The following KMT2A variants were observed in gnomAD, a reference collection of about 807,000 sequenced individuals.
KMT2A encodes the protein lysine methyltransferase 2A.
Under a neutral mutation model 345.3 loss-of-function variants are expected in KMT2A, and 16 were observed. That is an observed-to-expected ratio of 0.05 (90% CI 0.03 to 0.07). KMT2A has a LOEUF of 0.07. Among genes scored for constraint, KMT2A ranks in the 10% least tolerant of loss-of-function variants. The pLI, the probability that KMT2A is intolerant of heterozygous loss-of-function variation, is 1.00. For synonymous variants in KMT2A, 1,599 were observed against 1,778.6 expected, an observed-to-expected ratio of 0.90 and a Z score of 2.54; for missense variants, 3,272 against 4,841.6, an observed-to-expected ratio of 0.68 and a Z score of 9.62.
Position 118,473,585 on chromosome 11 carries a change from C to T in KMT2A, c.2426C>T (p.Ser809Phe), listed in dbSNP as rs374005016. 116 of 1,613,972 alleles carry T rather than the reference C, an allele frequency of 7.2e-5. No homozygotes were observed. Among genetic ancestry groups the T allele is most frequent in the Non-Finnish European group, 9.7e-5 (114 of 1,180,050 alleles). The change falls in exon 3 of 36, where the codon TCT becomes TTT. Residue 809 changes from serine (S) to phenylalanine (F), a missense_variant. This residue lies in a region of KMT2A where 209 missense variants were observed against 237.4 expected (regional missense o/e 0.88). Coordinates refer to ENST00000534358, the MANE Select transcript of KMT2A (RefSeq NM_001197104.2). This position sits in a 1 kb window ranked among gnomAD's most constrained non-coding sequence, Gnocchi z 5.2. ...PSHSLTQSGE[S>F]AEKNQRPRKQ... ...CATTCCCTGACTCAGTCTGGGGAAT[C>T]TGCAGAGAAAAATCAGAGACCAAGG...
At chr11:118,516,175 GTGTATA>G (rs1463308842) in intron 31 of KMT2A, among the ~76,000 whole-genome samples, 1 of 152,116 alleles carries the variant, frequency 6.6e-6, no homozygotes, top group African/African-American at 2.4e-5. Context: ...TATTCTAGTG[GTGTATA>G]TGTATATGTA....
At chr11:118,467,093 A>C (rs1255472872) in intron 1 of KMT2A, among the ~76,000 whole-genome samples, 1 of 151,662 alleles carries the variant, frequency 6.6e-6, no homozygotes, top group South Asian at 2.1e-4. Flanking sequence ...ATACTTTTTC[A>C]TGGCTGGGCA....
At chr11:118,501,363 G>A (rs1021721740) in intron 25 of KMT2A, among the ~76,000 whole-genome samples, 1 of 152,104 alleles carries the variant, frequency 6.6e-6, no homozygotes, top group Non-Finnish European at 1.5e-5. Context: ...CAGCCACTCA[G>A]GAGGCAGAGG....
At position 118,476,576 on chromosome 11, in the gene KMT2A, CCA is replaced by C. The variant is rs782725803; in HGVS notation, c.3157-227_3157-226del. Among the ~76,000 whole-genome samples the C allele has an allele frequency of 6.6e-6, 1 of 152,106 alleles. No homozygotes were observed. Among genetic ancestry groups the C allele is most frequent in the Non-Finnish European group, 1.5e-5 (1 of 68,004 alleles). ...GAACTCCTGGCCTCAAATGATCTTC[CCA>C]CCTCAAGCTGTTTTTTATTTTTTGA... On this transcript the variant is annotated intron_variant, in intron 3 of 35. Coordinates refer to ENST00000534358, the MANE Select transcript of KMT2A (RefSeq NM_001197104.2). The surrounding 1 kb of genome is among the most constrained non-coding windows in gnomAD (Gnocchi z 4.1).
At chr11:118,437,894 C>T (rs1361776989) in intron 1 of KMT2A, among the ~76,000 whole-genome samples, 5 of 152,128 alleles carry the variant, frequency 3.3e-5, no homozygotes, top group Admixed American at 6.5e-5. Flanking sequence ...GGGAAGGGGG[C>T]CCCTGTGAGG....
rs1344693904 is a variant in KMT2A at position 118,526,749 on chromosome 11, G to A, written c.*4577G>A. ...GTGTACATAGTTGTAAAAAAAAGGAGTTTTTAAACATGTTTATTTTCTATG... is the reference window on the plus strand; with the variant it reads ...GTGTACATAGTTGTAAAAAAAAGGAATTTTTAAACATGTTTATTTTCTATG... On this transcript the variant is annotated 3_prime_UTR_variant, in exon 36 of 36. Coordinates refer to ENST00000534358, the MANE Select transcript of KMT2A (RefSeq NM_001197104.2). The A allele has an allele frequency of 4.4e-6, 1 of 228,648 alleles. No homozygotes were observed. The highest frequency in any genetic ancestry group is 8.7e-6 in the Non-Finnish European group (1 of 115,384). 14.2% of individuals were successfully genotyped at this position (228,648 alleles called of 1,614,324 possible).
chr11:118,513,807 C>T (rs1007340730), intron 31 of KMT2A, among the ~76,000 whole-genome samples: 2 of 151,510 alleles, frequency 1.3e-5, no homozygotes, highest in East Asian at 1.9e-4. Context: ...CATGATGGCT[C>T]ATGCCTGTGG....
In KMT2A at chr11:118,471,967, A is replaced by T. The variant is rs1949950297; in HGVS notation, c.808A>T (p.Ile270Phe). 6.2e-7 allele frequency: 1 copy of T among 1,614,080 alleles called. No homozygotes were observed. The highest frequency in any genetic ancestry group is 8.5e-7 in the Non-Finnish European group (1 of 1,180,040). Residue 270 changes from isoleucine (I) to phenylalanine (F), a missense_variant, in exon 3 of 36, where the codon ATT (isoleucine) becomes TTT (phenylalanine). Physicochemically the swap from Ile to Phe is conservative, Grantham distance 21. Around this residue, in one of 27 missense-constraint regions of KMT2A, gnomAD observed 412 missense variants for 511.0 expected, o/e 0.81. Coordinates refer to ENST00000534358, the MANE Select transcript of KMT2A (RefSeq NM_001197104.2). ...TGCTACGTTTCAGCAAGCCACAAAG[A>T]TTAAAAAATTAAGAGCAGGTAAACT... ...PSATFQQATK[I>F]KKLRAGKLSP...
At position 118,436,498 on chromosome 11, in the gene KMT2A, C is replaced by CT; in HGVS notation, c.-13dup. 1.6e-6 allele frequency: 2 copies of CT among 1,258,762 alleles called. No homozygotes were observed. The highest frequency in any genetic ancestry group is 1.0e-6 in the Non-Finnish European group (1 of 990,564). The allele number at this position is 1,258,762 out of a possible 1,614,324, so 78.0% of individuals were successfully genotyped here. Reference sequence around the variant, plus strand: ...GTCGCCTCTCCCTCTCGCTGCTTCACTTCACGGGGCGAACATGGCGCACAG... The same window carrying CT: ...GTCGCCTCTCCCTCTCGCTGCTTCACTTTCACGGGGCGAACATGGCGCACAG... On this transcript the variant is annotated 5_prime_UTR_variant, in exon 1 of 36. Transcript: ENST00000534358. This position sits in a 1 kb window ranked among gnomAD's most constrained non-coding sequence, Gnocchi z 6.9.
At chr11:118,463,105 A>G (rs1591365446) in intron 1 of KMT2A, among the ~76,000 whole-genome samples, 1 of 151,958 alleles carries the variant, frequency 6.6e-6, no homozygotes, top group South Asian at 2.1e-4. Context: ...AACAGTGTGT[A>G]TCTCTTACAT....
At position 118,478,351 on chromosome 11, in the gene KMT2A, T is replaced by C. The variant is rs1591381332; in HGVS notation, c.3569+150T>C. 4 of 629,436 alleles carry C rather than the reference T, an allele frequency of 6.4e-6. No individual in the cohort carries two copies. In the East Asian group the frequency reaches 1.1e-4, roughly 17 times the overall value. 39.0% of individuals were successfully genotyped at this position (629,436 alleles called of 1,614,324 possible). On this transcript the variant is annotated intron_variant, in intron 5 of 35. Coordinates refer to ENST00000534358, the MANE Select transcript of KMT2A (RefSeq NM_001197104.2). ...TACAGTTAGATTTTGTGGTGTGGGC[T>C]GTGCTTAAATAAGAAATACTCTGGG...
At chr11:118,511,223 A>G (rs1296088557) in intron 30 of KMT2A, among the ~76,000 whole-genome samples, 2 of 152,176 alleles carry the variant, frequency 1.3e-5, no homozygotes, top group African/African-American at 2.4e-5. Context: ...TAGAGTAGAG[A>G]TGTCTGGTAA....
chr11:118,440,327 C>G (rs1378727306), intron 1 of KMT2A, among the ~76,000 whole-genome samples: 5 of 152,152 alleles, frequency 3.3e-5, no homozygotes, highest in Admixed American at 6.5e-5. Context: ...TTATTGAGCA[C>G]TGTAAGAAAT....
intron 1 of KMT2A, among the ~76,000 whole-genome samples, chr11:118,442,041 T>G (rs1949325360): frequency 1.3e-5 from 2 of 152,236 alleles, no homozygotes; most frequent in Non-Finnish European, 2.9e-5. Context: ...TTTTGGAAAC[T>G]CGCTGTGTTT....
At chr11:118,451,731 G>A (rs545037599) in intron 1 of KMT2A, among the ~76,000 whole-genome samples, 1 of 150,782 alleles carries the variant, frequency 6.6e-6, no homozygotes, top group Admixed American at 6.6e-5. Context: ...GGCTCAAGCA[G>A]TCGTCCTGCC....
At chr11:118,488,420 C>CTATTTATTTTGTT (rs1950267387) in intron 10 of KMT2A, 194 bp from the exon 11 acceptor site, 4 of 646,480 alleles carry the variant, frequency 6.2e-6, no homozygotes, top group South Asian at 4.9e-5. Flanking sequence ...CTGGTATTAC[C>CTATTTATTTTGTT]ACTTTAGTAC....
At chr11:118,508,064 C>CA (rs1168009936) in intron 28 of KMT2A, among the ~76,000 whole-genome samples, 1 of 152,060 alleles carries the variant, frequency 6.6e-6, no homozygotes, top group Non-Finnish European at 1.5e-5. Flanking sequence ...AACAAGTAAA[C>CA]AAAAAATATA....
Position 118,503,438 on chromosome 11 carries a change from C to G in KMT2A, c.7546C>G (p.Gln2516Glu), listed in dbSNP as rs782016740. Residue 2516 changes from glutamine to glutamate, a missense_variant, in exon 27 of 36, where the codon CAG (glutamine) becomes GAG (glutamate). Around this residue, in one of 27 missense-constraint regions of KMT2A, gnomAD observed 445 missense variants for 500.9 expected, o/e 0.89. Coordinates refer to ENST00000534358, the MANE Select transcript of KMT2A (RefSeq NM_001197104.2). The surrounding 1 kb of genome is among the most constrained non-coding windows in gnomAD (Gnocchi z 5.3). ...MQVEGSAKEL[Q>E]APRKRTVKVT... ...AGTAGAAGGATCTGCCAAGGAATTACAGGCACCACGGAAACGCACAGTCAA... is the reference window on the plus strand; with the variant it reads ...AGTAGAAGGATCTGCCAAGGAATTAGAGGCACCACGGAAACGCACAGTCAA... 3 of 1,614,070 alleles carry G rather than the reference C, an allele frequency of 1.9e-6. No homozygotes were observed. In the Admixed American group the frequency reaches 5.0e-5, roughly 27 times the overall value.
intron 2 of KMT2A, among the ~76,000 whole-genome samples, chr11:118,470,326 A>T (rs1555035171): frequency 6.6e-6 from 1 of 151,900 alleles, no homozygotes; most frequent in African/African-American, 2.4e-5. Context: ...TGTTTTTGAG[A>T]CGGAGTCTCA....
Sources: gnomAD v4.1 joint callset for allele counts (sites outside exome capture counted in the v4.1 genomes callset) on GRCh38, gnomAD v4.1.1 for gene constraint, gnomAD v4.1.1 regional missense constraint, Gnocchi (gnomAD v3.1) non-coding constraint, MANE v1.5 for transcripts, NCBI Gene and HGNC (gene_info 2026-07-23, HGNC 2026-07-21) for gene names.